Variants in ARID2 observed in about 807,000 individuals in gnomAD.
ARID2 encodes the protein AT-rich interaction domain 2, also known as AT-rich interactive domain-containing protein 2.
In ARID2, 32 loss-of-function variants were observed where a neutral mutation model predicts 184.6. That is an observed-to-expected ratio of 0.17 (90% CI 0.13 to 0.23). ARID2 has a LOEUF of 0.23. Among genes scored for constraint, ARID2 ranks in the 10% least tolerant of loss-of-function variants. ARID2 has a pLI of 1.00. For missense variants in ARID2, 1,696 were observed against 2,197.6 expected, an observed-to-expected ratio of 0.77 and a Z score of 4.56; for synonymous variants, 836 against 772.6, an observed-to-expected ratio of 1.08 and a Z score of -1.36.
At chr12:45,891,106 A>G (rs1252702495) in intron 16 of ARID2, among the ~76,000 whole-genome samples, 1 of 151,866 alleles carries the variant, frequency 6.6e-6, no homozygotes, top group Non-Finnish European at 1.5e-5. Flanking sequence ...TGGAGGTTGC[A>G]GTGAGCCGAG....
At chr12:45,819,395 A>G (rs1298276632) in intron 5 of ARID2, among the ~76,000 whole-genome samples, 1 of 152,210 alleles carries the variant, frequency 6.6e-6, no homozygotes, top group Non-Finnish European at 1.5e-5. Context: ...TTGAAGTCAC[A>G]GAAAGTTTAG....
intron 3 of ARID2, among the ~76,000 whole-genome samples, chr12:45,807,814 T>G (rs1029747231): frequency 1.3e-5 from 2 of 152,198 alleles, no homozygotes; most frequent in Admixed American, 1.3e-4. Flanking sequence ...GGTGATGATA[T>G]TCAAGTCTTC....
At chr12:45,817,045 A>G (rs1942815714) in intron 4 of ARID2, among the ~76,000 whole-genome samples, 1 of 152,252 alleles carries the variant, frequency 6.6e-6, no homozygotes, top group Admixed American at 6.5e-5. Flanking sequence ...GAAGAAGTCC[A>G]TTGAAATGCA....
intron 16 of ARID2, among the ~76,000 whole-genome samples, chr12:45,884,004 A>G (rs1944144697): frequency 6.6e-6 from 1 of 152,216 alleles, no homozygotes; most frequent in Admixed American, 6.5e-5. Context: ...AAAGTTTAAA[A>G]TTATTTGGTA....
At chr12:45,791,646 T>C (rs74084208) in intron 3 of ARID2, among the ~76,000 whole-genome samples, 14,260 of 152,114 alleles carry the variant, frequency 0.094, 2,283 homozygotes, top group African/African-American at 0.32. Flanking sequence ...TAGGCTGGAG[T>C]GTAGTGGCCC....
At chr12:45,755,755 C>T (rs1941557004) in intron 3 of ARID2, among the ~76,000 whole-genome samples, 1 of 152,096 alleles carries the variant, frequency 6.6e-6, no homozygotes, top group Non-Finnish European at 1.5e-5. Context: ...TGGAACTCAG[C>T]ACTTCTCTCT....
intron 3 of ARID2, among the ~76,000 whole-genome samples, chr12:45,781,514 T>C (rs959747417): frequency 2.0e-5 from 3 of 150,774 alleles, no homozygotes; most frequent in African/African-American, 7.3e-5. Flanking sequence ...TTCCGGTAAG[T>C]ACCAAGTCTT....
At chr12:45,778,348 C>T (rs1215019736) in intron 3 of ARID2, among the ~76,000 whole-genome samples, 1 of 152,100 alleles carries the variant, frequency 6.6e-6, no homozygotes, top group African/African-American at 2.4e-5. Context: ...TCACTTCCAA[C>T]TTCAGGGTAT....
At position 45,734,224 on chromosome 12, in the gene ARID2, C is replaced by A. The variant is rs986723972; in HGVS notation, c.284+2910C>A. Among the ~76,000 whole-genome samples the A allele has an allele frequency of 3.3e-5, 5 of 152,268 alleles. No homozygotes were observed. The South Asian group carries it at 8.3e-4, about 25-fold the overall frequency. The stretch of plus-strand genomic sequence containing the variant: ...TGTCTACCAAAAATAGAAAAATTAG[C>A]CTGGCATGGTGGCTCATGCCTGTAA... On this transcript the variant is annotated intron_variant, in intron 3 of 20. Coordinates refer to ENST00000334344, the MANE Select transcript of ARID2 (RefSeq NM_152641.4).
intron 3 of ARID2, among the ~76,000 whole-genome samples, chr12:45,753,084 A>G (rs1371746981): frequency 6.6e-6 from 1 of 151,924 alleles, no homozygotes; most frequent in African/African-American, 2.4e-5. Context: ...ACCAACATGG[A>G]GAAACCCTGT....
intron 3 of ARID2, among the ~76,000 whole-genome samples, chr12:45,810,184 TAG>T: frequency 6.6e-6 from 1 of 152,222 alleles, no homozygotes; most frequent in Admixed American, 6.5e-5. Flanking sequence ...ACAGCTATGT[TAG>T]AATAGTGTTG....
At chr12:45,780,563 G>A (rs1184448951) in intron 3 of ARID2, among the ~76,000 whole-genome samples, 1 of 151,934 alleles carries the variant, frequency 6.6e-6, no homozygotes, top group Non-Finnish European at 1.5e-5. Flanking sequence ...TGCTTTTTTG[G>A]TAACTAAACA....
intron 4 of ARID2, among the ~76,000 whole-genome samples, chr12:45,816,661 G>T (rs1942809348): frequency 6.6e-6 from 1 of 152,144 alleles, no homozygotes; most frequent in Non-Finnish European, 1.5e-5. Flanking sequence ...CCAATAATTG[G>T]AAACAATCTA....
In ARID2 at chr12:45,837,733, T is replaced by C. The variant is rs754932639; in HGVS notation, c.1330+26T>C. ...GTAAGACTGGACCAAAAAACACTTA[T>C]TTTCTTTATTGAGTAAAAGTGTTTA... On this transcript the variant is annotated intron_variant, in intron 10 of 20. Transcript: ENST00000334344. 3.8e-6 allele frequency: 6 copies of C among 1,597,542 alleles called. No individual in the cohort carries two copies. In the African/African-American group the frequency reaches 4.0e-5, roughly 11 times the overall value.
At chr12:45,731,342 T>C in intron 3 of ARID2, 28 bp downstream of exon 3, 1 of 1,536,380 alleles carries the variant, frequency 6.5e-7, no homozygotes, top group Non-Finnish European at 9.0e-7. Flanking sequence ...TTCCATAGTA[T>C]TTGGAAATAA....
chr12:45,795,683 G>A (rs905657331), intron 3 of ARID2, among the ~76,000 whole-genome samples: 1 of 147,006 alleles, frequency 6.8e-6, no homozygotes, highest in African/African-American at 2.5e-5. Flanking sequence ...TGATCCGCCC[G>A]CCTTGGCCTC....
intron 3 of ARID2, among the ~76,000 whole-genome samples, chr12:45,762,215 T>G (rs1941696985): frequency 6.6e-6 from 1 of 152,218 alleles, no homozygotes; most frequent in Non-Finnish European, 1.5e-5. Context: ...TCTCTTTAAT[T>G]TTTCCCATTT....
chr12:45,821,273 T>C (rs1942890039), intron 5 of ARID2, 147 bp from the exon 6 acceptor site: 1 of 424,304 alleles, frequency 2.4e-6, no homozygotes, highest in South Asian at 5.5e-5. Context: ...GAAATTATCA[T>C]GACTATCATT....
intron 3 of ARID2, among the ~76,000 whole-genome samples, chr12:45,744,652 A>G (rs1941323602): frequency 6.6e-6 from 1 of 152,174 alleles, no homozygotes; most frequent in Non-Finnish European, 1.5e-5. Flanking sequence ...TAAGGCAATA[A>G]TTTAAATTAT....
Sources: allele counts gnomAD v4.1 joint callset (sites outside exome capture counted in the v4.1 genomes callset), GRCh38; gene constraint gnomAD v4.1.1; transcripts MANE v1.5; gene names NCBI Gene and HGNC (gene_info 2026-07-23, HGNC 2026-07-21).